Variants in MOV10L1 observed in about 807,000 individuals in gnomAD.
The protein encoded by MOV10L1 is Mov10 like RNA helicase 1.
A neutral mutation model predicts 143.8 loss-of-function variants in MOV10L1; 110 were observed. The observed-to-expected ratio is 0.76, with a 90% confidence interval of 0.66 to 0.90. MOV10L1 has a LOEUF of 0.90. Among genes scored for constraint, MOV10L1 ranks in the 40% least tolerant of loss-of-function variants. The probability of loss-of-function intolerance (pLI) is 0.00; values close to 1 mark genes in which losing one functional copy is unlikely to be tolerated. For missense variants in MOV10L1, 1,406 were observed against 1,526.8 expected (o/e 0.92, Z 1.32); for synonymous variants, 593 against 581.1 (o/e 1.02, Z -0.29).
intron 3 of MOV10L1, among the ~76,000 whole-genome samples, chr22:50,102,850 A>G (rs955400930): frequency 6.6e-6 from 1 of 152,284 alleles, no homozygotes; most frequent in Non-Finnish European, 1.5e-5. Context: ...GCGGTGAGCC[A>G]AGATCACACC....
intron 15 of MOV10L1, among the ~76,000 whole-genome samples, chr22:50,138,052 T>G (rs1423719915): frequency 6.6e-6 from 1 of 152,020 alleles, no homozygotes; most frequent in Non-Finnish European, 1.5e-5. Context: ...GCAGTAGACT[T>G]GGAAAAAGCA....
chr22:50,142,563 C>T (rs528650245), intron 16 of MOV10L1, among the ~76,000 whole-genome samples: 1 of 152,146 alleles, frequency 6.6e-6, no homozygotes, highest in African/African-American at 2.4e-5. Flanking sequence ...GTGCAGGGCT[C>T]ACACCTGTCA....
intron 3 of MOV10L1, among the ~76,000 whole-genome samples, chr22:50,106,981 G>T (rs186429433): frequency 6.6e-6 from 1 of 151,622 alleles, no homozygotes; most frequent in Non-Finnish European, 1.5e-5. Flanking sequence ...GATTACAGGC[G>T]TGAGCCACCA....
rs2063479500 is a variant in MOV10L1 at position 50,158,372 on chromosome 22, G to GCCA, written c.3216+167_3216+169dup. 1.3e-6 allele frequency: 1 copy of GCCA among 791,632 alleles called. No individual in the cohort carries two copies. The highest frequency in any genetic ancestry group is 1.8e-5 in the African/African-American group (1 of 56,396). 49.0% of individuals were successfully genotyped at this position (791,632 alleles called of 1,614,324 possible). A position where few individuals can be genotyped will look rare whatever the true frequency, so the allele number is the denominator to read the frequency against. On this transcript the variant is annotated intron_variant, in intron 23 of 26. Transcript: ENST00000262794. The surrounding 1 kb of genome is among the most constrained non-coding windows in gnomAD (Gnocchi z 5.0). ...GTTCAACATGAGAGGTCACCCAACTGCCATCCATGGGCCAGTTCCGGGCAG... is the reference window on the plus strand; with the variant it reads ...GTTCAACATGAGAGGTCACCCAACTGCCACCATCCATGGGCCAGTTCCGGGCAG...
chr22:50,131,662 C>T (rs1266418199), intron 13 of MOV10L1, among the ~76,000 whole-genome samples: 2 of 151,736 alleles, frequency 1.3e-5, no homozygotes, highest in East Asian at 3.9e-4. Context: ...ATCCAGTTGT[C>T]CAAGCATTAT....
chr22:50,134,763 G>T, intron 15 of MOV10L1, 133 bp downstream of exon 15: 1 of 713,054 alleles, frequency 1.4e-6, no homozygotes, highest in Non-Finnish European at 2.4e-6. Context: ...TGTCTACACA[G>T]GGGGTGGGCG....
chr22:50,104,798 T>C (rs1337559055), intron 3 of MOV10L1, among the ~76,000 whole-genome samples: 2 of 152,188 alleles, frequency 1.3e-5, no homozygotes, highest in Admixed American at 6.5e-5. Context: ...CTTACTCTTA[T>C]TATTTCTATA....
chr22:50,102,682 A>G (rs2061774982), intron 3 of MOV10L1, among the ~76,000 whole-genome samples: 1 of 152,108 alleles, frequency 6.6e-6, no homozygotes, highest in Non-Finnish European at 1.5e-5. Context: ...CGGGCGGATC[A>G]CCTGAGGTTG....
rs1236943372 is a variant in MOV10L1 at position 50,137,948 on chromosome 22, A to AT, written c.2070+3318_2070+3319insT. On this transcript the variant is annotated intron_variant, in intron 15 of 26. Coordinates refer to ENST00000262794, the MANE Select transcript of MOV10L1 (RefSeq NM_018995.3). Reference sequence around the variant, plus strand: ...GTATATGACACATGTATATGAGACCAAGAGGGTTCATCCCAGGAATGGCTT... The same window carrying AT: ...GTATATGACACATGTATATGAGACCATAGAGGGTTCATCCCAGGAATGGCTT... 5.5e-4 allele frequency among the ~76,000 whole-genome samples: 83 copies of AT among 151,614 alleles called. No homozygotes were observed. In the East Asian group the frequency reaches 0.013, roughly 23 times the overall value.
intron 2 of MOV10L1, chr22:50,095,254 C>T (rs1602110406): frequency 1.3e-5 from 2 of 152,302 alleles, no homozygotes; most frequent in South Asian, 2.1e-4. Context: ...TCTGTTTCTA[C>T]CTTATCTGGT....
At chr22:50,138,577 GAAAA>G (rs2062897037) in intron 15 of MOV10L1, among the ~76,000 whole-genome samples, 1 of 151,122 alleles carries the variant, frequency 6.6e-6, no homozygotes, top group Non-Finnish European at 1.5e-5. Flanking sequence ...AAATAGAAAA[GAAAA>G]AAAATCTGAT....
In MOV10L1 at chr22:50,142,209, AAGG is replaced by A; in HGVS notation, c.2179+23_2179+25del. Reference sequence around the variant, plus strand: ...ATTGGGGTATGTGCTCATGAGGGGCAAGGAGAAGAGCAACTCTGAGACTGTCGC... The same window carrying A: ...ATTGGGGTATGTGCTCATGAGGGGCAAGAAGAGCAACTCTGAGACTGTCGC... On this transcript the variant is annotated intron_variant, in intron 16 of 26. Coordinates refer to ENST00000262794, the MANE Select transcript of MOV10L1 (RefSeq NM_018995.3). 3 of 1,588,276 alleles carry A rather than the reference AAGG, an allele frequency of 1.9e-6. No individual in the cohort carries two copies. Among genetic ancestry groups the A allele is most frequent in the Non-Finnish European group, 2.6e-6 (3 of 1,165,538 alleles).
In MOV10L1 at chr22:50,143,228, A is replaced by G; in HGVS notation, c.2358+7A>G. 6.2e-7 allele frequency: 1 copy of G among 1,613,866 alleles called. No homozygotes were observed. Among genetic ancestry groups the G allele is most frequent in the South Asian group, 1.1e-5 (1 of 91,056 alleles). ...AATAGAGGCTGTTTTACAGGTAAGG[A>G]CAGCGGCGCCGCGGGTGCTGTGGCT... is the stretch of plus-strand genomic sequence containing the variant. On this transcript the variant is annotated splice_region_variant and intron_variant, in intron 17 of 26. Transcript: ENST00000262794.
At chr22:50,115,855 G>A (rs111981055) in intron 8 of MOV10L1, among the ~76,000 whole-genome samples, 104 of 152,314 alleles carry the variant, frequency 6.8e-4, no homozygotes, top group African/African-American at 2.3e-3. Context: ...TCTCCATCCC[G>A]TCACCTGGGC....
chr22:50,100,503 TTTTC>T (rs910816356), intron 3 of MOV10L1, among the ~76,000 whole-genome samples: 71 of 151,948 alleles, frequency 4.7e-4, no homozygotes, highest in Admixed American at 1.4e-3. Flanking sequence ...TATATATCCT[TTTTC>T]TTTCTTTCTT....
Position 50,142,102 on chromosome 22 carries a change from C to T in MOV10L1, c.2092C>T (p.Gln698Ter). 6.2e-7 allele frequency: 1 copy of T among 1,610,946 alleles called. No homozygotes were observed. The highest frequency in any genetic ancestry group is 8.5e-7 in the Non-Finnish European group (1 of 1,178,888). Residue 698 changes from glutamine (Q) to a stop codon, truncating the protein, a stop_gained, in exon 16 of 27, where the codon CAA (glutamine) becomes TAA (stop). Transcript: ENST00000262794. LOFTEE classifies it high-confidence loss of function. ...CTAGAATAGGAAAACAATGACGGAC[C>T]AAGCTGAGCATGGAACAGAGGAGAG... The part of the protein sequence containing the change: ...SKKNRKTMTD[Q>*]AEHGTEERRV...
intron 13 of MOV10L1, 116 bp from the exon 14 acceptor site, chr22:50,133,891 C>T: frequency 7.1e-6 from 6 of 846,836 alleles, no homozygotes; most frequent in Non-Finnish European, 1.1e-5. Context: ...TGGATTGTTG[C>T]TGTGATTTTT....
intron 22 of MOV10L1, among the ~76,000 whole-genome samples, chr22:50,153,818 C>A (rs2063357974): frequency 6.6e-6 from 1 of 152,244 alleles, no homozygotes; most frequent in Admixed American, 6.5e-5. Flanking sequence ...GAGCAGAAAT[C>A]AAGTTTTGCA....
Position 50,159,934 on chromosome 22 carries a change from T to A in MOV10L1, c.3324+149T>A, listed in dbSNP as rs1051145917. ...GACTCCCTAGGTCCAGGAGCCATTG[T>A]AAGCAGTGGCTGTGGGAAGGTCTTT... On this transcript the variant is annotated intron_variant, in intron 24 of 26. Transcript: ENST00000262794. The surrounding 1 kb of genome is among the most constrained non-coding windows in gnomAD (Gnocchi z 4.1). The A allele has an allele frequency of 1.7e-6, 1 of 593,962 alleles. No homozygotes were observed. The highest frequency in any genetic ancestry group is 3.0e-6 in the Non-Finnish European group (1 of 335,056). The allele number at this position is 593,962 out of a possible 1,614,324, so 36.8% of individuals were successfully genotyped here. A position where few individuals can be genotyped will look rare whatever the true frequency, so the allele number is the denominator to read the frequency against.
Sources: gnomAD v4.1 joint callset for allele counts (sites outside exome capture counted in the v4.1 genomes callset) on GRCh38, gnomAD v4.1.1 for gene constraint, Gnocchi (gnomAD v3.1) non-coding constraint, MANE v1.5 for transcripts, NCBI Gene and HGNC (gene_info 2026-07-23, HGNC 2026-07-21) for gene names.